RPSA2: variants seen among roughly 807,000 people sequenced by gnomAD.
RPSA2 encodes the protein ribosomal protein SA 2.
chr19:23,851,429 G>A, the RPSA2 span, among the ~76,000 whole-genome samples: 1 of 152,136 alleles, frequency 6.6e-6, no homozygotes, highest in Admixed American at 6.5e-5. Context: ...AGCAGCCATG[G>A]GTCCTGGTAA....
chr19:23,812,945 GC>G, the RPSA2 span, among the ~76,000 whole-genome samples: 2 of 152,094 alleles, frequency 1.3e-5, no homozygotes, highest in Non-Finnish European at 2.9e-5. Context: ...ACATGTCACA[GC>G]CAGGCATAGT....
the RPSA2 span, among the ~76,000 whole-genome samples, chr19:23,860,036 A>G: frequency 6.6e-6 from 1 of 152,210 alleles, no homozygotes; most frequent in Non-Finnish European, 1.5e-5. Flanking sequence ...AGGGTACCAG[A>G]TTCCAAGTTT....
chr19:23,833,266 T>C, the RPSA2 span: 1 of 922,752 alleles, frequency 1.1e-6, no homozygotes, highest in Admixed American at 4.1e-5. Context: ...TACAACTTAA[T>C]GCACATAAGA....
the RPSA2 span, among the ~76,000 whole-genome samples, chr19:23,848,811 G>C: frequency 6.6e-6 from 1 of 152,142 alleles, no homozygotes; most frequent in Admixed American, 6.5e-5. Context: ...TCCACATTTG[G>C]GTGGAATTGG....
At chr19:23,863,564 CAAAAAAAA>C in the RPSA2 span, among the ~76,000 whole-genome samples, 1 of 109,800 alleles carries the variant, frequency 9.1e-6, no homozygotes, top group African/African-American at 3.6e-5. Flanking sequence ...GATTCCAACT[CAAAAAAAA>C]AAAAAAAAAA....
At chr19:23,861,292 A>G in the RPSA2 span, among the ~76,000 whole-genome samples, 1 of 152,168 alleles carries the variant, frequency 6.6e-6, no homozygotes, top group Non-Finnish European at 1.5e-5. Context: ...ACAGTTTCAA[A>G]TCTCTTCAAA....
At chr19:23,758,822 C>G in the RPSA2 span, 1 of 1,603,490 alleles carries the variant, frequency 6.2e-7, no homozygotes, top group South Asian at 1.1e-5. Context: ...GCCATAGAGG[C>G]TGGGCCTCTA....
the RPSA2 span, among the ~76,000 whole-genome samples, chr19:23,775,562 A>T: frequency 6.6e-6 from 1 of 152,128 alleles, no homozygotes; most frequent in Non-Finnish European, 1.5e-5. Context: ...AGGTTTTCAC[A>T]CTCATGCACA....
chr19:23,838,658 G>A, the RPSA2 span, among the ~76,000 whole-genome samples: 3 of 152,018 alleles, frequency 2.0e-5, no homozygotes, highest in East Asian at 5.8e-4. Context: ...ATTTTTCCAG[G>A]AATTTATCCA....
the RPSA2 span, among the ~76,000 whole-genome samples, chr19:23,772,370 T>C: frequency 3.3e-5 from 5 of 152,228 alleles, no homozygotes; most frequent in Middle Eastern, 6.8e-3. Context: ...AGGGAAGATA[T>C]CCTTGGCTGA....
chr19:23,837,056 C>T, the RPSA2 span, among the ~76,000 whole-genome samples: 1 of 151,968 alleles, frequency 6.6e-6, no homozygotes, highest in Non-Finnish European at 1.5e-5. Context: ...AAATTTTGGC[C>T]AACCAATGCC....
the RPSA2 span, among the ~76,000 whole-genome samples, chr19:23,866,616 C>A: frequency 6.7e-6 from 1 of 148,424 alleles, no homozygotes; most frequent in East Asian, 2.0e-4. Flanking sequence ...CACAATAGCA[C>A]CCCCTGTCAG....
chr19:23,761,901 A>ATCCATCCTTCCTTCCTTCCTTCC, the RPSA2 span, among the ~76,000 whole-genome samples: 110 of 34,024 alleles, frequency 3.2e-3, 3 homozygotes, highest in Middle Eastern at 0.016. Flanking sequence ...GGGTAACGTA[A>ATCCATCCTTCCTTCCTTCCTTCC]TTCTTTCTTT....
At chr19:23,774,169 A>G in the RPSA2 span, among the ~76,000 whole-genome samples, 2 of 152,144 alleles carry the variant, frequency 1.3e-5, no homozygotes, top group South Asian at 2.1e-4. Context: ...GGCACTGCCC[A>G]CAGAATGCAT....
At chr19:23,766,012 T>G in the RPSA2 span, among the ~76,000 whole-genome samples, 1 of 152,026 alleles carries the variant, frequency 6.6e-6, no homozygotes, top group African/African-American at 2.4e-5. Flanking sequence ...AAGGTAATAG[T>G]GATCAATTCT....
the RPSA2 span, among the ~76,000 whole-genome samples, chr19:23,841,740 C>G: frequency 1.3e-5 from 2 of 152,162 alleles, no homozygotes; most frequent in African/African-American, 4.8e-5. Context: ...CTCTCTCCTC[C>G]TCCTGTTCAC....
chr19:23,863,354 A>G, the RPSA2 span, among the ~76,000 whole-genome samples: 1 of 152,170 alleles, frequency 6.6e-6, no homozygotes, highest in Non-Finnish European at 1.5e-5. Context: ...ACCTAAGGTC[A>G]AGAGTTCAAG....
chr19:23,869,258 G>C, the RPSA2 span, among the ~76,000 whole-genome samples: 1 of 152,128 alleles, frequency 6.6e-6, no homozygotes, highest in Admixed American at 6.5e-5. Flanking sequence ...CCACTGGAAG[G>C]ACTCCCCTTG....
chr19:23,870,597 C>T, the RPSA2 span, among the ~76,000 whole-genome samples: 7 of 152,242 alleles, frequency 4.6e-5, no homozygotes, highest in South Asian at 1.5e-3. Flanking sequence ...GACTGAATTC[C>T]AGCAAGGCCT....
Sources: allele counts gnomAD v4.1 joint callset (sites outside exome capture counted in the v4.1 genomes callset), GRCh38; gene constraint gnomAD v4.1.1; transcripts MANE v1.5; gene names NCBI Gene and HGNC (gene_info 2026-07-23, HGNC 2026-07-21).